Variants in ADGRV1 observed in about 807,000 individuals in gnomAD.
ADGRV1 encodes the protein adhesion G protein-coupled receptor V1.
In ADGRV1, 359 loss-of-function variants were observed where a neutral mutation model predicts 596.2. That is an observed-to-expected ratio of 0.60 (90% CI 0.55 to 0.66). ADGRV1 has a LOEUF of 0.66. Ranked by LOEUF, ADGRV1 falls within the 30% of genes least tolerant of loss-of-function variation. The probability of loss-of-function intolerance (pLI) is 0.00; values close to 1 mark genes in which losing one functional copy is unlikely to be tolerated. For synonymous variants in ADGRV1, 2,681 were observed against 2,679.2 expected (o/e 1.00, Z -0.02); for missense variants, 7,274 against 7,575.6 (o/e 0.96, Z 1.48).
At chr5:90,611,999 A>G (rs1762783321) in intron 1 of ADGRV1, among the ~76,000 whole-genome samples, 1 of 152,060 alleles carries the variant, frequency 6.6e-6, no homozygotes, top group African/African-American at 2.4e-5. Context: ...ACAGTGTGAA[A>G]AGATGAAAGC....
At chr5:90,741,821 T>C (rs948328540) in intron 50 of ADGRV1, among the ~76,000 whole-genome samples, 5 of 152,200 alleles carry the variant, frequency 3.3e-5, no homozygotes, top group African/African-American at 1.2e-4. Context: ...GCTGAAATTA[T>C]GCATTAAATA....
intron 87 of ADGRV1, among the ~76,000 whole-genome samples, chr5:91,130,264 G>A (rs1253875192): frequency 6.6e-6 from 1 of 151,418 alleles, no homozygotes. Context: ...AGGCACGGTG[G>A]CTCATGCCTG....
chr5:90,763,130 T>C (rs1481734307), intron 58 of ADGRV1, 175 bp from the exon 59 acceptor site: 1 of 520,244 alleles, frequency 1.9e-6, no homozygotes, highest in Non-Finnish European at 3.4e-6. Context: ...TAGTTGAGCA[T>C]CTAGGAATAG....
intron 61 of ADGRV1, among the ~76,000 whole-genome samples, chr5:90,777,462 G>C (rs2150075039): frequency 6.6e-6 from 1 of 152,218 alleles, no homozygotes; most frequent in East Asian, 1.9e-4. Context: ...AACTATCAAT[G>C]GCATAGCTGG....
At position 90,653,506 on chromosome 5, in the gene ADGRV1, C is replaced by T. The variant is rs1368333150; in HGVS notation, c.3932C>T (p.Thr1311Ile). The change falls in exon 20 of 90, where the codon ACC becomes ATC. Residue 1311 changes from threonine to isoleucine, a missense_variant. By Grantham distance (89) the Thr-to-Ile change is moderately conservative (BLOSUM62 -1). Around this residue, in one of 5 missense-constraint regions of ADGRV1, gnomAD observed 1,715 missense variants for 1,708.8 expected, o/e 1.00. Transcript: ENST00000405460. ...DFLLVGIFPTTVHLQQHMRRH... is the reference protein window; with the variant it reads ...DFLLVGIFPTIVHLQQHMRRH... ...TTACTGGTTGGAATTTTCCCCACCACCGTGCATTTACAACAGCACATGCGG... is the reference window on the plus strand; with the variant it reads ...TTACTGGTTGGAATTTTCCCCACCATCGTGCATTTACAACAGCACATGCGG... The T allele has an allele frequency of 6.2e-7, 1 of 1,613,940 alleles. No homozygotes were observed. The highest frequency in any genetic ancestry group is 1.7e-5 in the Admixed American group (1 of 59,978).
intron 83 of ADGRV1, among the ~76,000 whole-genome samples, chr5:90,960,880 A>C (rs1324654406): frequency 1.3e-5 from 2 of 152,150 alleles, no homozygotes; most frequent in East Asian, 3.9e-4. Flanking sequence ...ATGGAAGATA[A>C]ACTTAGCAAG....
At chr5:90,738,485 A>G (rs2443067) in intron 50 of ADGRV1, among the ~76,000 whole-genome samples, 58,450 of 151,958 alleles carry the variant, frequency 0.38, 12,254 homozygotes, top group Admixed American at 0.54. Context: ...TAGCAATTCT[A>G]TAGAGCAGGC....
In ADGRV1 at chr5:91,126,083, A is replaced by G. The variant is rs141659000; in HGVS notation, c.18432+23743A>G. Among the ~76,000 whole-genome samples, 720 of 152,302 alleles carry G rather than the reference A, an allele frequency of 4.7e-3. 15 individuals are homozygous for G. Among genetic ancestry groups the G allele is most frequent in the African/African-American group, 0.016 (678 of 41,554 alleles). On this transcript the variant is annotated intron_variant, in intron 87 of 89. Transcript: ENST00000405460. ...ATTTTCACTCATTTGGCACCTCATC[A>G]TACATTGCCTGGGGCAGTTCCCTAA... is the stretch of plus-strand genomic sequence containing the variant.
chr5:91,033,140 C>A (rs1191203804), intron 85 of ADGRV1, among the ~76,000 whole-genome samples: 1 of 152,020 alleles, frequency 6.6e-6, no homozygotes. Context: ...TTTTTACTTT[C>A]CTTCCATTGA....
intron 85 of ADGRV1, among the ~76,000 whole-genome samples, chr5:91,013,543 A>G (rs1316979628): frequency 3.9e-5 from 6 of 152,004 alleles, no homozygotes; most frequent in Non-Finnish European, 7.4e-5. Flanking sequence ...TCCTTTGCCC[A>G]TTTTTTAGTG....
chr5:90,602,096 T>A (rs141032420), intron 1 of ADGRV1, among the ~76,000 whole-genome samples: 48 of 152,358 alleles, frequency 3.2e-4, no homozygotes, highest in Admixed American at 2.5e-3. Flanking sequence ...GCTGTAATGA[T>A]CCTGTATTCC....
intron 1 of ADGRV1, among the ~76,000 whole-genome samples, chr5:90,608,150 T>A (rs1208907890): frequency 6.6e-6 from 1 of 151,986 alleles, no homozygotes; most frequent in African/African-American, 2.4e-5. Flanking sequence ...AATTAAGATA[T>A]AAGGAATAAG....
In ADGRV1 at chr5:90,937,395, C is replaced by A. The variant is rs181155132; in HGVS notation, c.17857-28020C>A. ...TTTTTGTTACCCCTTCATTAATTCACCCTTTGATCCCAGTTTAAAGTTATC... is the reference window on the plus strand; with the variant it reads ...TTTTTGTTACCCCTTCATTAATTCAACCTTTGATCCCAGTTTAAAGTTATC... On this transcript the variant is annotated intron_variant, in intron 83 of 89. Coordinates refer to ENST00000405460, the MANE Select transcript of ADGRV1 (RefSeq NM_032119.4). Among the ~76,000 whole-genome samples the A allele has an allele frequency of 4.8e-3, 727 of 151,702 alleles. 3 individuals carry two copies. Among genetic ancestry groups the A allele is most frequent in the African/African-American group, 0.016 (681 of 41,402 alleles).
At chr5:90,828,283 TA>T (rs1764230547) in intron 76 of ADGRV1, among the ~76,000 whole-genome samples, 1 of 152,056 alleles carries the variant, frequency 6.6e-6, no homozygotes, top group Non-Finnish European at 1.5e-5. Flanking sequence ...TATATTTATT[TA>T]AAACACTTTA....
At chr5:90,691,384 C>CTTTTTTTTTTTTTTT (rs34426784) in intron 31 of ADGRV1, among the ~76,000 whole-genome samples, 1 of 123,452 alleles carries the variant, frequency 8.1e-6, no homozygotes. Context: ...AAACTTTTTT[C>CTTTTTTTTTTTTTTT]TTTTTTTTTT....
intron 24 of ADGRV1, 62 bp from the exon 25 acceptor site, chr5:90,676,018 G>A (rs1177078572): frequency 1.5e-6 from 2 of 1,314,096 alleles, no homozygotes; most frequent in East Asian, 2.5e-5. Context: ...TGTACAGAAT[G>A]ATTGTAATCT....
At chr5:90,765,511 T>A (rs1757021973) in intron 59 of ADGRV1, among the ~76,000 whole-genome samples, 1 of 152,030 alleles carries the variant, frequency 6.6e-6, no homozygotes, top group African/African-American at 2.4e-5. Context: ...TTGAAGTTTT[T>A]ATTGCTACAT....
Position 90,642,897 on chromosome 5 carries a change from G to T in ADGRV1, c.2409G>T (p.Gly803=), listed in dbSNP as rs746915145. Residue 803 remains glycine (G), a synonymous_variant, in exon 13 of 90, where the codon GGG becomes GGT. Coordinates refer to ENST00000405460, the MANE Select transcript of ADGRV1 (RefSeq NM_032119.4). ...SVELHIIRSR[G]SLVKQFLHYR... is the part of the protein sequence containing the mutation. ...AGCTCCACATCATCCGATCAAGGGGGTCCCTTGTTAAGCAGTTTCTACACT... is the reference window on the plus strand; with the variant it reads ...AGCTCCACATCATCCGATCAAGGGGTTCCCTTGTTAAGCAGTTTCTACACT... 4 of 1,611,336 alleles carry T rather than the reference G, an allele frequency of 2.5e-6. No homozygotes were observed. The East Asian group carries it at 6.7e-5, about 27-fold the overall frequency.
rs1281170322 is a variant in ADGRV1 at position 90,828,997 on chromosome 5, A to G, written c.16422A>G (p.Gly5474=). 2.5e-6 allele frequency: 4 copies of G among 1,606,918 alleles called. No homozygotes were observed. The highest frequency in any genetic ancestry group is 2.6e-6 in the Non-Finnish European group (3 of 1,175,312). The change falls in exon 77 of 90, where the codon GGA becomes GGG. Residue 5474 remains glycine (G), a synonymous_variant. Coordinates refer to ENST00000405460, the MANE Select transcript of ADGRV1 (RefSeq NM_032119.4). ...FFVELYEATA[G]AAINNSARFA... is the part of the protein sequence containing the mutation. ...TGGAACTATATGAAGCTACTGCTGG[A>G]GCAGCAATAAACAACAGTGCCAGAT...
Sources: allele counts gnomAD v4.1 joint callset (sites outside exome capture counted in the v4.1 genomes callset), GRCh38; gene constraint gnomAD v4.1.1; regional missense constraint gnomAD v4.1.1; transcripts MANE v1.5; gene names NCBI Gene and HGNC (gene_info 2026-07-23, HGNC 2026-07-21).